ADGRD1: variants seen among roughly 807,000 people sequenced by gnomAD.
ADGRD1 encodes the protein adhesion G protein-coupled receptor D1.
Under a neutral mutation model 113.4 loss-of-function variants are expected in ADGRD1, and 77 were observed. The ratio of observed to expected loss-of-function variants is 0.68; its 90% CI spans 0.57 to 0.82. ADGRD1 has a LOEUF of 0.82. Among genes scored for constraint, ADGRD1 ranks in the 40% least tolerant of loss-of-function variants. The probability of loss-of-function intolerance (pLI) is 0.00; values close to 1 mark genes in which losing one functional copy is unlikely to be tolerated. For synonymous variants in ADGRD1, 474 were observed against 475.0 expected, an observed-to-expected ratio of 1.00 and a Z score of 0.03; for missense variants, 1,036 against 1,139.1, an observed-to-expected ratio of 0.91 and a Z score of 1.30.
Position 131,005,997 on chromosome 12 carries a change from G to C in ADGRD1, c.1281G>C (p.Leu427=). ...CCTGGAGCACCGTCGTGGGTCTGCT[G>C]TACCACAGCATGCACTACTACCTGA... The part of the protein sequence containing the change: ...RHAWSTVVGL[L]YHSMHYYLNN... The change falls in exon 12 of 25, where the codon CTG becomes CTC. Residue 427 remains leucine, a synonymous_variant. Transcript: ENST00000261654. 6.2e-7 allele frequency: 1 copy of C among 1,612,280 alleles called. No homozygotes were observed. Among genetic ancestry groups the C allele is most frequent in the Non-Finnish European group, 8.5e-7 (1 of 1,179,994 alleles).
intron 13 of ADGRD1, chr12:131,030,626 G>A (rs1202317127): frequency 6.6e-6 from 1 of 152,258 alleles, no homozygotes; most frequent in Non-Finnish European, 1.5e-5. Flanking sequence ...GCTGCACATC[G>A]GGGCAGGTGA....
At position 130,954,355 on chromosome 12, in the gene ADGRD1, C is replaced by T. The variant is rs899650782; in HGVS notation, c.-111C>T. ...TTTAAGGAGACAGAAATTTTCTCCC[C>T]TGGAACCTGTGAAAATGTCCCTTTT... On this transcript the variant is annotated 5_prime_UTR_variant, in exon 1 of 25. Coordinates refer to ENST00000261654, the MANE Select transcript of ADGRD1 (RefSeq NM_198827.5). This position sits in a 1 kb window ranked among gnomAD's most constrained non-coding sequence, Gnocchi z 4.7. 4 of 968,128 alleles carry T rather than the reference C, an allele frequency of 4.1e-6. No homozygotes were observed. In the South Asian group the frequency reaches 5.0e-5, roughly 12 times the overall value. The allele number at this position is 968,128 out of a possible 1,614,324, so 60.0% of individuals were successfully genotyped here. A position where few individuals can be genotyped will look rare whatever the true frequency, so the allele number is the denominator to read the frequency against.
intron 13 of ADGRD1, among the ~76,000 whole-genome samples, chr12:131,017,977 A>G (rs995980524): frequency 8.5e-5 from 13 of 152,236 alleles, no homozygotes; most frequent in Middle Eastern, 3.4e-3. Flanking sequence ...CAGCACCCAT[A>G]TAGGCACATA....
intron 18 of ADGRD1, among the ~76,000 whole-genome samples, chr12:131,115,134 A>G (rs1366327502): frequency 1.3e-5 from 2 of 152,154 alleles, no homozygotes; most frequent in Non-Finnish European, 2.9e-5. Context: ...AATAACAAAC[A>G]GCTTCCATCC....
rs884522 is a variant in ADGRD1 at position 131,136,033 on chromosome 12, C to T, written c.2268-4C>T. On this transcript the variant is annotated splice_polypyrimidine_tract_variant and splice_region_variant and intron_variant, in intron 21 of 24. Coordinates refer to ENST00000261654, the MANE Select transcript of ADGRD1 (RefSeq NM_198827.5). Reference sequence around the variant, plus strand: ...TCAGGGTGACTGTCACTGTTTCTCTCCAGGTTGACAGCCAAGGCAGTGGCC... The same window carrying T: ...TCAGGGTGACTGTCACTGTTTCTCTTCAGGTTGACAGCCAAGGCAGTGGCC... 474,571 of 1,612,900 alleles carry T rather than the reference C, an allele frequency of 0.29. 73,388 individuals carry two copies. Among genetic ancestry groups the T allele is most frequent in the South Asian group, 0.38 (34,546 of 91,032 alleles).
intron 4 of ADGRD1, among the ~76,000 whole-genome samples, chr12:130,975,153 TG>T (rs1252449206): frequency 6.6e-5 from 10 of 152,320 alleles, no homozygotes; most frequent in African/African-American, 2.4e-4. Context: ...TGGAATGTTC[TG>T]GCACCTTCTT....
Position 131,004,203 on chromosome 12 carries a change from A to G in ADGRD1, c.1162A>G (p.Ile388Val), listed in dbSNP as rs1876787185. 2 of 1,613,578 alleles carry G rather than the reference A, an allele frequency of 1.2e-6. No homozygotes were observed. ...CACCGCAGAGTTTTCCGTGGCCAAA[A>G]TCCTGCCCAAGACCGTGAATTCCTC... Reference protein sequence around the residue: ...SAMAEFSVAKILPKTVNSSHY... With the variant: ...SAMAEFSVAKVLPKTVNSSHY... Residue 388 changes from isoleucine (I) to valine (V), a missense_variant, in exon 11 of 25, where the codon ATC becomes GTC. Ile to Val is a conservative substitution (Grantham distance 29, BLOSUM62 3). Coordinates refer to ENST00000261654, the MANE Select transcript of ADGRD1 (RefSeq NM_198827.5).
chr12:131,138,358 T>G (rs1438590727), intron 24 of ADGRD1, 129 bp downstream of exon 24: 8 of 715,578 alleles, frequency 1.1e-5, no homozygotes, highest in Admixed American at 2.1e-5. Flanking sequence ...CCCCCTCTCA[T>G]GCCTGCAGGC....
rs374557019 is a variant in ADGRD1, at chr12:131,134,793, A to ATCAT, written c.2268-1220_2268-1217dup. On this transcript the variant is annotated intron_variant, in intron 21 of 24. Coordinates refer to ENST00000261654, the MANE Select transcript of ADGRD1 (RefSeq NM_198827.5). ...CTGCTGCATGGCCGTCCACTTGTTCATCATTCATTCATTCATTCATTCATT... is the reference window on the plus strand; with the variant it reads ...CTGCTGCATGGCCGTCCACTTGTTCATCATTCATTCATTCATTCATTCATTCATT... Among the ~76,000 whole-genome samples, 1,502 of 152,278 alleles carry ATCAT rather than the reference A, an allele frequency of 9.9e-3. 30 individuals carry two copies. The highest frequency in any genetic ancestry group is 0.033 in the African/African-American group (1,385 of 41,528).
intron 12 of ADGRD1, among the ~76,000 whole-genome samples, chr12:131,011,903 G>T (rs541966512): frequency 5.3e-5 from 8 of 152,216 alleles, no homozygotes; most frequent in Non-Finnish European, 1.2e-4. Flanking sequence ...AGTCGCGTGC[G>T]GGGCGGGGAC....
chr12:131,129,655 A>G (rs532171869), intron 20 of ADGRD1, among the ~76,000 whole-genome samples: 21 of 152,366 alleles, frequency 1.4e-4, no homozygotes, highest in African/African-American at 5.0e-4. Flanking sequence ...TGGCAGAGTC[A>G]GGACCTGGGG....
chr12:131,010,580 C>CT (rs1877743564), intron 12 of ADGRD1, among the ~76,000 whole-genome samples: 1 of 152,208 alleles, frequency 6.6e-6, no homozygotes, highest in African/African-American at 2.4e-5. Flanking sequence ...CCTCATGTAA[C>CT]TTTAAGTCCC....
chr12:130,997,407 C>T (rs1391094270), intron 8 of ADGRD1, among the ~76,000 whole-genome samples: 7 of 112,062 alleles, frequency 6.2e-5, no homozygotes, highest in South Asian at 5.2e-4. Context: ...ACTTCTCAGA[C>T]GGGGCGGCTG....
At chr12:130,992,461 T>C in intron 8 of ADGRD1, 69 bp downstream of exon 8, 2 of 1,331,092 alleles carry the variant, frequency 1.5e-6, no homozygotes, top group Non-Finnish European at 2.1e-6. Flanking sequence ...TAGATGTTTC[T>C]GTTTGACCTA....
chr12:131,001,211 A>G (rs920015929), intron 9 of ADGRD1, among the ~76,000 whole-genome samples: 1 of 152,220 alleles, frequency 6.6e-6, no homozygotes, highest in Non-Finnish European at 1.5e-5. Context: ...AAGGTGCAGA[A>G]AAAAAGCTTC....
chr12:131,070,870 C>A (rs144401182), intron 13 of ADGRD1: 1 of 519,006 alleles, frequency 1.9e-6, no homozygotes. Flanking sequence ...AGTGTCTGCA[C>A]GGGACGTCCT....
intron 20 of ADGRD1, among the ~76,000 whole-genome samples, chr12:131,122,715 A>G (rs1950628415): frequency 6.6e-6 from 1 of 152,226 alleles, no homozygotes; most frequent in African/African-American, 2.4e-5. Context: ...TAAACCCTCT[A>G]GAACCGCAGG....
intron 12 of ADGRD1, among the ~76,000 whole-genome samples, chr12:131,006,517 C>T (rs1220941472): frequency 3.3e-5 from 5 of 152,156 alleles, no homozygotes; most frequent in African/African-American, 7.2e-5. Context: ...CCGGGGACCC[C>T]GAGGACGCCG....
chr12:131,136,091 CT>C lies in ADGRD1; in HGVS notation c.2325del (p.Phe775LeufsTer35). 2 of 1,614,234 alleles carry C rather than the reference CT, an allele frequency of 1.2e-6. No individual in the cohort carries two copies. The highest frequency in any genetic ancestry group is 1.7e-6 in the Non-Finnish European group (2 of 1,180,032). On this transcript the variant is annotated frameshift_variant, in exon 22 of 25. Coordinates refer to ENST00000261654, the MANE Select transcript of ADGRD1 (RefSeq NM_198827.5). LOFTEE classifies it high-confidence loss of function. ...LLPILGTSWV[F>X]GVLAVNGCAV... is the part of the protein sequence containing the mutation. ...TGCCCATCCTGGGTACCTCGTGGGT[CT>C]TTGGCGTGCTTGCTGTCAACGGTTG... is the stretch of plus-strand genomic sequence containing the variant.
Sources: gnomAD v4.1 joint callset for allele counts (sites outside exome capture counted in the v4.1 genomes callset) on GRCh38, gnomAD v4.1.1 for gene constraint, Gnocchi (gnomAD v3.1) non-coding constraint, MANE v1.5 for transcripts, NCBI Gene and HGNC (gene_info 2026-07-23, HGNC 2026-07-21) for gene names.